Variants in SMOC2 observed in about 807,000 individuals in gnomAD.
SMOC2 encodes SPARC-related modular calcium-binding protein 2.
Under a neutral mutation model 61.4 loss-of-function variants are expected in SMOC2, and 39 were observed. The ratio of observed to expected loss-of-function variants is 0.64; its 90% confidence interval spans 0.49 to 0.83. The LOEUF is 0.83. SMOC2 is among the 40% of genes least tolerant of loss of function. The pLI is 0.00. For missense variants in SMOC2, 556 were observed against 592.9 expected (o/e 0.94, Z 0.65); for synonymous variants, 247 against 239.9 (o/e 1.03, Z -0.27).
chr6:168,630,297 G>T (rs1040348840), intron 9 of SMOC2, among the ~76,000 whole-genome samples: 1 of 152,208 alleles, frequency 6.6e-6, no homozygotes, highest in African/African-American at 2.4e-5. Context: ...AACGTGGATT[G>T]TGAAGATTTT....
intron 7 of SMOC2, among the ~76,000 whole-genome samples, chr6:168,571,066 G>T (rs1583120382): frequency 6.6e-6 from 1 of 152,140 alleles, no homozygotes; most frequent in Non-Finnish European, 1.5e-5. Context: ...GTGGCGCATG[G>T]CCTGACCTTC....
intron 7 of SMOC2, among the ~76,000 whole-genome samples, chr6:168,581,118 C>T (rs568148641): frequency 7.2e-5 from 11 of 152,146 alleles, no homozygotes; most frequent in Non-Finnish European, 1.6e-4. Context: ...GTATAAGTTT[C>T]AAGGTCTCCT....
Position 168,475,705 on chromosome 6 carries a change from G to A in SMOC2, c.85-34210G>A, listed in dbSNP as rs1379414608. Among the ~76,000 whole-genome samples the A allele has an allele frequency of 1.3e-5, 2 of 152,134 alleles. No homozygotes were observed. The highest frequency in any genetic ancestry group is 2.4e-5 in the African/African-American group (1 of 41,444). The stretch of plus-strand genomic sequence containing the variant: ...CCAGGGAGGCCACGTGTGAGACCTG[G>A]TGTGGGTCGAGGACACTGCTCGGCG... On this transcript the variant is annotated intron_variant, in intron 1 of 12. Transcript: ENST00000356284. This position sits in a 1 kb window ranked among gnomAD's most constrained non-coding sequence, Gnocchi z 4.6.
intron 4 of SMOC2, among the ~76,000 whole-genome samples, chr6:168,541,543 A>G (rs754851101): frequency 6.6e-5 from 10 of 152,174 alleles, no homozygotes; most frequent in Non-Finnish European, 1.5e-4. Flanking sequence ...GGCCTGTGGA[A>G]ATATGTGGAG....
intron 11 of SMOC2, chr6:168,655,529 T>G: frequency 2.4e-6 from 1 of 416,202 alleles, no homozygotes; most frequent in Non-Finnish European, 4.9e-6. Flanking sequence ...TGCACATGCG[T>G]GCTAGATACT....
At chr6:168,537,645 C>T (rs994449703) in intron 4 of SMOC2, among the ~76,000 whole-genome samples, 1 of 152,248 alleles carries the variant, frequency 6.6e-6, no homozygotes, top group Non-Finnish European at 1.5e-5. Flanking sequence ...GTTGGCTTCT[C>T]ACAGGCCTGG....
intron 1 of SMOC2, among the ~76,000 whole-genome samples, chr6:168,459,564 GTGAGCCCTGGGGTGGA>G (rs1781668996): frequency 2.7e-5 from 4 of 147,406 alleles, no homozygotes; most frequent in Admixed American, 1.3e-4. Context: ...CCTGGGGTGG[GTGAGCCCTGGGGTGGA>G]TGAGCCCTGG....
intron 4 of SMOC2, among the ~76,000 whole-genome samples, chr6:168,528,736 AT>A (rs1229791196): frequency 6.6e-6 from 1 of 152,244 alleles, no homozygotes; most frequent in African/African-American, 2.4e-5. Flanking sequence ...ATGATGTGGA[AT>A]TAAAATATGT....
chr6:168,585,539 G>A (rs1433879215), intron 7 of SMOC2, among the ~76,000 whole-genome samples: 2 of 152,188 alleles, frequency 1.3e-5, no homozygotes, highest in Non-Finnish European at 2.9e-5. Context: ...CTAGTCATTC[G>A]TGAGTGCATG....
At chr6:168,455,981 G>A (rs1020394364) in intron 1 of SMOC2, among the ~76,000 whole-genome samples, 3 of 152,224 alleles carry the variant, frequency 2.0e-5, no homozygotes, top group Non-Finnish European at 4.4e-5. Context: ...GTGAAAGGGC[G>A]CGGCACTCAG....
intron 1 of SMOC2, among the ~76,000 whole-genome samples, chr6:168,454,730 A>G (rs375115117): frequency 3.9e-5 from 6 of 152,238 alleles, no homozygotes; most frequent in Non-Finnish European, 7.3e-5. Context: ...ATCATACCAC[A>G]GCACTCCGGG....
At chr6:168,554,857 T>C (rs1025214959) in intron 7 of SMOC2, among the ~76,000 whole-genome samples, 1 of 152,232 alleles carries the variant, frequency 6.6e-6, no homozygotes, top group African/African-American at 2.4e-5. Context: ...CATTTGGTTC[T>C]GAAATGGGTC....
intron 7 of SMOC2, among the ~76,000 whole-genome samples, chr6:168,590,134 G>A (rs1390469680): frequency 3.1e-5 from 4 of 130,630 alleles, no homozygotes; most frequent in Non-Finnish European, 4.8e-5. Context: ...TGTTGGTCAG[G>A]TGTGGCATGA....
intron 12 of SMOC2, among the ~76,000 whole-genome samples, chr6:168,665,734 G>A (rs1026701956): frequency 6.6e-6 from 1 of 152,238 alleles, no homozygotes; most frequent in Non-Finnish European, 1.5e-5. Flanking sequence ...GTTTAGTGTA[G>A]GAGATGGGTT....
intron 4 of SMOC2, among the ~76,000 whole-genome samples, chr6:168,543,214 G>A (rs1321977833): frequency 6.6e-6 from 1 of 152,184 alleles, no homozygotes; most frequent in Non-Finnish European, 1.5e-5. Flanking sequence ...TCAGAATCAA[G>A]CTGAAATCAG....
chr6:168,531,689 G>T (rs758576266), intron 4 of SMOC2, among the ~76,000 whole-genome samples: 4 of 152,232 alleles, frequency 2.6e-5, no homozygotes, highest in African/African-American at 4.8e-5. Flanking sequence ...ACATTCGCCA[G>T]GGCCAAACAC....
rs529070759 is a variant in SMOC2, at chr6:168,599,024, C to A, written c.824+20C>A. On this transcript the variant is annotated intron_variant, in intron 8 of 12. Coordinates refer to ENST00000356284, the MANE Select transcript of SMOC2 (RefSeq NM_001166412.2). ...CACAAGGTAAATAGGGTGCACCCAC[C>A]CCCCCCGGGACCATGGGAGGCTTTG... The A allele has an allele frequency of 2.6e-6, 4 of 1,557,382 alleles. No individual in the cohort carries two copies. Among genetic ancestry groups the A allele is most frequent in the South Asian group, 2.3e-5 (2 of 85,796 alleles).
At position 168,570,378 on chromosome 6, in the gene SMOC2, G is replaced by T. The variant is rs546864553; in HGVS notation, c.637+21175G>T. On this transcript the variant is annotated intron_variant, in intron 7 of 12. Coordinates refer to ENST00000356284, the MANE Select transcript of SMOC2 (RefSeq NM_001166412.2). ...CAGAATCGTCAGGCTGAGGCCCACCGCGGGGGCCGACTGTGGGAGGAACGT... is the reference window on the plus strand; with the variant it reads ...CAGAATCGTCAGGCTGAGGCCCACCTCGGGGGCCGACTGTGGGAGGAACGT... Among the ~76,000 whole-genome samples the T allele has an allele frequency of 9.9e-5, 15 of 152,256 alleles. No individual in the cohort carries two copies. In the South Asian group the frequency reaches 1.9e-3, roughly 19 times the overall value.
chr6:168,461,501 C>T (rs553547827), intron 1 of SMOC2, among the ~76,000 whole-genome samples: 8 of 152,214 alleles, frequency 5.3e-5, no homozygotes, highest in African/African-American at 1.2e-4. Flanking sequence ...TTTAGGTTTT[C>T]GCCCTTTCAG....
Sources: gnomAD v4.1 joint callset for allele counts (sites outside exome capture counted in the v4.1 genomes callset) on GRCh38, gnomAD v4.1.1 for gene constraint, Gnocchi (gnomAD v3.1) non-coding constraint, MANE v1.5 for transcripts, NCBI Gene and HGNC (gene_info 2026-07-23, HGNC 2026-07-21) for gene names.